Variants in PRDM5 observed in about 807,000 individuals in gnomAD.
PRDM5 encodes the protein PR/SET domain 5.
Under a neutral mutation model 81.2 loss-of-function variants are expected in PRDM5, and 56 were observed. The ratio of observed to expected loss-of-function variants is 0.69; its 90% CI spans 0.56 to 0.86. The LOEUF (loss-of-function observed/expected upper bound fraction) is 0.86, where lower values mean the gene tolerates loss of function less well. Ranked by LOEUF, PRDM5 falls within the 40% of genes least tolerant of loss-of-function variation. The probability of loss-of-function intolerance (pLI) is 0.00; values close to 1 mark genes in which losing one functional copy is unlikely to be tolerated. For missense variants in PRDM5, 697 were observed against 770.1 expected, an observed-to-expected ratio of 0.91 and a Z score of 1.12; for synonymous variants, 267 against 256.4, an observed-to-expected ratio of 1.04 and a Z score of -0.39.
intron 3 of PRDM5, among the ~76,000 whole-genome samples, chr4:120,851,482 A>C (rs1016968467): frequency 2.0e-5 from 3 of 151,918 alleles, no homozygotes; most frequent in South Asian, 2.1e-4. Context: ...AAAAAAAAAA[A>C]CATCAGTTTA....
At chr4:120,735,066 T>C (rs1427333586) in intron 14 of PRDM5, among the ~76,000 whole-genome samples, 3 of 152,202 alleles carry the variant, frequency 2.0e-5, no homozygotes, top group East Asian at 3.9e-4. Flanking sequence ...ACATAACACA[T>C]TGGTCAAAGA....
intron 14 of PRDM5, chr4:120,731,629 G>A (rs1358415224): frequency 6.6e-6 from 1 of 152,142 alleles, no homozygotes; most frequent in Non-Finnish European, 1.5e-5. Context: ...GCCAAGTGTG[G>A]TCATGTGGAA....
chr4:120,882,882 G>C (rs1211148510), intron 2 of PRDM5, among the ~76,000 whole-genome samples: 1 of 152,194 alleles, frequency 6.6e-6, no homozygotes, highest in Non-Finnish European at 1.5e-5. Flanking sequence ...CTCACACAAT[G>C]CAACAGTAAA....
chr4:120,695,217 TTA>T lies in PRDM5; in HGVS notation c.1785_1786del (p.His595GlnfsTer14), dbSNP rs1734381962. The T allele has an allele frequency of 4.3e-6, 7 of 1,613,640 alleles. No individual in the cohort carries two copies. The highest frequency in any genetic ancestry group is 5.9e-6 in the Non-Finnish European group (7 of 1,179,682). ...GCATTCTGCCAGGGGACGATTGGGA[TTA>T]TGAGTCATCTTGTGTCGAATCAGCA... On this transcript the variant is annotated frameshift_variant, in exon 16 of 16. Coordinates refer to ENST00000264808, the MANE Select transcript of PRDM5 (RefSeq NM_018699.4). LOFTEE classifies it high-confidence loss of function.
At chr4:120,881,483 TTA>T (rs1362280680) in intron 2 of PRDM5, among the ~76,000 whole-genome samples, 1 of 152,198 alleles carries the variant, frequency 6.6e-6, no homozygotes, top group Admixed American at 6.5e-5. Context: ...AATATTTTCA[TTA>T]TGTGTCATGA....
At chr4:120,884,902 G>A (rs1328810839) in intron 2 of PRDM5, among the ~76,000 whole-genome samples, 1 of 151,934 alleles carries the variant, frequency 6.6e-6, no homozygotes, top group Admixed American at 6.6e-5. Flanking sequence ...GGTGGCTCAT[G>A]CCTGTAATCC....
chr4:120,778,367 A>AT (rs1264764037), intron 12 of PRDM5, among the ~76,000 whole-genome samples: 1 of 152,066 alleles, frequency 6.6e-6, no homozygotes, highest in Admixed American at 6.6e-5. Context: ...TTTAAATGAC[A>AT]TTTCTCAGAA....
intron 1 of PRDM5, among the ~76,000 whole-genome samples, chr4:120,911,294 T>G (rs56339840): frequency 6.6e-6 from 1 of 152,104 alleles, no homozygotes; most frequent in African/African-American, 2.4e-5. Flanking sequence ...ATCACTGATT[T>G]TTTACACTGT....
chr4:120,806,297 C>T (rs964397958), intron 8 of PRDM5, among the ~76,000 whole-genome samples: 4 of 152,160 alleles, frequency 2.6e-5, no homozygotes, highest in African/African-American at 7.2e-5. Flanking sequence ...AGATTCAATG[C>T]CATCCCTATC....
chr4:120,917,924 G>T (rs1224826362), intron 1 of PRDM5, among the ~76,000 whole-genome samples: 2 of 152,098 alleles, frequency 1.3e-5, no homozygotes, highest in African/African-American at 4.8e-5. Context: ...ATCCACTTAT[G>T]ACTGATGTAA....
chr4:120,702,773 A>T (rs1314760547), intron 15 of PRDM5, among the ~76,000 whole-genome samples: 1 of 152,204 alleles, frequency 6.6e-6, no homozygotes, highest in African/African-American at 2.4e-5. Context: ...ATTCATAATC[A>T]TAAAGAAGAT....
rs544644383 is a variant in PRDM5, at chr4:120,791,044, G to A, written c.1189-5953C>T. Among the ~76,000 whole-genome samples, 3 of 152,262 alleles carry A rather than the reference G, an allele frequency of 2.0e-5. No individual in the cohort carries two copies. The South Asian group carries it at 6.2e-4, about 32-fold the overall frequency. The stretch of plus-strand genomic sequence containing the variant: ...TTTAATTCTCAGACTGAAAATAGAA[G>A]ACTAACAAAATGAAATATTGGTGAA... On this transcript the variant is annotated intron_variant, in intron 10 of 15. Transcript: ENST00000264808.
intron 2 of PRDM5, among the ~76,000 whole-genome samples, chr4:120,880,050 C>T (rs1419320160): frequency 6.6e-6 from 1 of 151,990 alleles, no homozygotes; most frequent in Non-Finnish European, 1.5e-5. Flanking sequence ...ATTGGTTCAT[C>T]AAATGTAACA....
At chr4:120,853,219 A>G (rs1390278472) in intron 3 of PRDM5, among the ~76,000 whole-genome samples, 199 bp downstream of exon 3, 1 of 152,212 alleles carries the variant, frequency 6.6e-6, no homozygotes, top group Non-Finnish European at 1.5e-5. Flanking sequence ...ATTCTCATAA[A>G]GTAAGTACCC....
chr4:120,894,028 C>A (rs886097234), intron 2 of PRDM5, among the ~76,000 whole-genome samples: 2 of 152,122 alleles, frequency 1.3e-5, no homozygotes, highest in Admixed American at 1.3e-4. Context: ...AAATTTAGCA[C>A]AATGATTGAT....
intron 3 of PRDM5, among the ~76,000 whole-genome samples, chr4:120,827,004 C>T (rs748060078): frequency 6.6e-6 from 1 of 152,128 alleles, no homozygotes; most frequent in Non-Finnish European, 1.5e-5. Flanking sequence ...TTCATGTGGA[C>T]CTTCACTAAG....
chr4:120,895,370 A>C (rs984243124), intron 2 of PRDM5: 1 of 152,184 alleles, frequency 6.6e-6, no homozygotes, highest in Non-Finnish European at 1.5e-5. Flanking sequence ...GAGAGAGAGA[A>C]AGAGACCTTA....
At chr4:120,728,921 G>C (rs185613367) in intron 14 of PRDM5, among the ~76,000 whole-genome samples, 19 of 152,260 alleles carry the variant, frequency 1.2e-4, no homozygotes, top group Middle Eastern at 6.8e-3. Context: ...CTAAAGGAGA[G>C]ACAAAAACTG....
At chr4:120,918,057 G>A (rs866717513) in intron 1 of PRDM5, among the ~76,000 whole-genome samples, 2 of 152,026 alleles carry the variant, frequency 1.3e-5, no homozygotes, top group South Asian at 2.1e-4. Flanking sequence ...TCTGTCACTC[G>A]CTTTTCTGCC....
Sources: gnomAD v4.1 joint callset for allele counts (sites outside exome capture counted in the v4.1 genomes callset) on GRCh38, gnomAD v4.1.1 for gene constraint, MANE v1.5 for transcripts, NCBI Gene and HGNC (gene_info 2026-07-23, HGNC 2026-07-21) for gene names.